DOCK8: variants seen among roughly 807,000 people sequenced by gnomAD.
The protein encoded by DOCK8 is dedicator of cytokinesis 8.
DOCK8 carries 141 observed loss-of-function variants against 245.6 expected under a neutral mutation model. The ratio of observed to expected loss-of-function variants is 0.57; its 90% CI spans 0.50 to 0.66. The LOEUF is 0.66. DOCK8 is among the 30% of genes least tolerant of loss of function. The pLI, the probability that DOCK8 is intolerant of heterozygous loss-of-function variation, is 0.00. For synonymous variants in DOCK8, 1,168 were observed against 970.2 expected (o/e 1.20, Z -3.79); for missense variants, 2,965 against 2,603.4 (o/e 1.14, Z -3.02).
At chr9:293,946 G>A (rs1586621302) in intron 4 of DOCK8, among the ~76,000 whole-genome samples, 1 of 152,184 alleles carries the variant, frequency 6.6e-6, no homozygotes, top group Non-Finnish European at 1.5e-5. Flanking sequence ...ACTTACCAGT[G>A]TCCTACCCTT....
At chr9:287,201 T>C (rs1045222323) in intron 3 of DOCK8, among the ~76,000 whole-genome samples, 1 of 152,000 alleles carries the variant, frequency 6.6e-6, no homozygotes, top group African/African-American at 2.4e-5. Context: ...GCTAAAACAG[T>C]GGGGAGAGCT....
At chr9:248,803 A>G (rs911098851) in intron 1 of DOCK8, among the ~76,000 whole-genome samples, 4 of 152,206 alleles carry the variant, frequency 2.6e-5, no homozygotes, top group African/African-American at 9.7e-5. Context: ...TTGCTGAGAT[A>G]GTGCTGTTAC....
At chr9:445,104 A>G (rs1360193768) in intron 43 of DOCK8, among the ~76,000 whole-genome samples, 5 of 152,234 alleles carry the variant, frequency 3.3e-5, no homozygotes, top group Non-Finnish European at 7.3e-5. Context: ...CCTCGGCTTG[A>G]AAGCAGTGGC....
chr9:443,558 C>T (rs2057158149), intron 43 of DOCK8, 42 bp downstream of exon 43: 1 of 1,490,366 alleles, frequency 6.7e-7, no homozygotes, highest in African/African-American at 1.4e-5. Context: ...AGCTCTAAAT[C>T]CCTTCGTTCT....
chr9:370,327 T>C lies in DOCK8; in HGVS notation c.1868+27T>C, dbSNP rs371557611. ...TAAGTCTATTTCAGCATTCTAAATA[T>C]ATGCCAAGATGGTTTCATCATCTCC... On this transcript the variant is annotated intron_variant, in intron 16 of 47. Transcript: ENST00000432829. 10 of 1,598,208 alleles carry C rather than the reference T, an allele frequency of 6.3e-6. No individual in the cohort carries two copies. The African/African-American group carries it at 8.0e-5, about 13-fold the overall frequency.
intron 31 of DOCK8, 114 bp downstream of exon 31, chr9:420,697 C>A: frequency 7.1e-7 from 1 of 1,403,090 alleles, no homozygotes. Flanking sequence ...TTTCTCATTT[C>A]TGTATTCAAA....
At chr9:242,961 A>G (rs146582857) in intron 1 of DOCK8, among the ~76,000 whole-genome samples, 1 of 152,308 alleles carries the variant, frequency 6.6e-6, no homozygotes, top group African/African-American at 2.4e-5. Context: ...GTATCTCTTC[A>G]TCGGAACTTG....
At chr9:218,908 G>A (rs1439676199) in intron 1 of DOCK8, among the ~76,000 whole-genome samples, 1 of 152,094 alleles carries the variant, frequency 6.6e-6, no homozygotes, top group African/African-American at 2.4e-5. Context: ...TATGAGATAG[G>A]AGCAATGACT....
At chr9:268,932 T>C (rs562402686) in intron 1 of DOCK8, among the ~76,000 whole-genome samples, 85 of 152,368 alleles carry the variant, frequency 5.6e-4, no homozygotes, top group South Asian at 4.3e-3. Flanking sequence ...GTCCAACTTA[T>C]AATTAAAATC....
At position 406,856 on chromosome 9, in the gene DOCK8, T is replaced by C. The variant is rs1038099532; in HGVS notation, c.3391-74T>C. 9 of 1,600,584 alleles carry C rather than the reference T, an allele frequency of 5.6e-6. No individual in the cohort carries two copies. In the African/African-American group the frequency reaches 1.2e-4, roughly 21 times the overall value. ...CACGAAGCCTGGCTGGGGCGAGGAC[T>C]CAGTAAACACTGGCCATCGCTATTT... On this transcript the variant is annotated intron_variant, in intron 27 of 47. Coordinates refer to ENST00000432829, the MANE Select transcript of DOCK8 (RefSeq NM_203447.4).
At chr9:462,168 T>C (rs2057825463) in intron 46 of DOCK8, among the ~76,000 whole-genome samples, 4 of 152,216 alleles carry the variant, frequency 2.6e-5, no homozygotes, top group Non-Finnish European at 4.4e-5. Flanking sequence ...AGCTCATCTT[T>C]GGCGAGAGTG....
chr9:393,288 G>C (rs186903588), intron 24 of DOCK8, among the ~76,000 whole-genome samples: 136 of 152,204 alleles, frequency 8.9e-4, no homozygotes, highest in African/African-American at 3.0e-3. Flanking sequence ...TGATGTCTCT[G>C]TTCTTCACAG....
chr9:404,900 T>G lies in DOCK8; in HGVS notation c.3235-18T>G, dbSNP rs1484424831. The stretch of plus-strand genomic sequence containing the variant: ...CTTGTAATAAATGTTTCATTCCTCT[T>G]TTCATTTTTCTTCCCAGCTGTCAGC... On this transcript the variant is annotated intron_variant, in intron 26 of 47. Coordinates refer to ENST00000432829, the MANE Select transcript of DOCK8 (RefSeq NM_203447.4). The G allele has an allele frequency of 1.9e-6, 3 of 1,613,772 alleles. No individual in the cohort carries two copies. In the Admixed American group the frequency reaches 5.0e-5, roughly 27 times the overall value.
intron 5 of DOCK8, among the ~76,000 whole-genome samples, chr9:308,658 C>T (rs1032304082): frequency 5.3e-5 from 8 of 151,938 alleles, no homozygotes; most frequent in African/African-American, 9.7e-5. Flanking sequence ...CCAATTAATA[C>T]GTGTTCTTTC....
intron 42 of DOCK8, 102 bp from the exon 43 acceptor site, chr9:443,325 A>G (rs1034245466): frequency 2.2e-5 from 24 of 1,104,468 alleles, no homozygotes; most frequent in Admixed American, 1.4e-4. Flanking sequence ...AGTGAACATC[A>G]TTCTACCTTG....
At chr9:227,012 T>A (rs1336800160) in intron 1 of DOCK8, among the ~76,000 whole-genome samples, 1 of 152,118 alleles carries the variant, frequency 6.6e-6, no homozygotes, top group Non-Finnish European at 1.5e-5. Flanking sequence ...TCAATACATA[T>A]AACAAGGAGA....
At chr9:280,037 G>T (rs565617753) in intron 2 of DOCK8, among the ~76,000 whole-genome samples, 29 of 152,310 alleles carry the variant, frequency 1.9e-4, no homozygotes, top group African/African-American at 7.0e-4. Context: ...AACAGATATG[G>T]TTCTGGGGTT....
In DOCK8 at chr9:434,822, G is replaced by C. The variant is rs977721642; in HGVS notation, c.4926G>C (p.Leu1642=). 3.7e-6 allele frequency: 6 copies of C among 1,614,020 alleles called. No individual in the cohort carries two copies. In the African/African-American group the frequency reaches 4.0e-5, roughly 11 times the overall value. ...ACCAGGCATCTCCTGATCTGCGGCT[G>C]ACCTGGCTCCAGAACATGGCAGAGA... The part of the protein sequence containing the change: ...KSYQASPDLR[L]TWLQNMAEKH... Residue 1642 remains leucine (L), a synonymous_variant, in exon 39 of 48, where the codon CTG becomes CTC. Transcript: ENST00000432829.
intron 41 of DOCK8, 69 bp from the exon 42 acceptor site, chr9:441,806 G>A: frequency 6.3e-7 from 1 of 1,597,006 alleles, no homozygotes; most frequent in Non-Finnish European, 8.6e-7. Flanking sequence ...AGAGACCCCT[G>A]CCCTTTGCAA....
Sources: gnomAD v4.1 joint callset for allele counts (sites outside exome capture counted in the v4.1 genomes callset) on GRCh38, gnomAD v4.1.1 for gene constraint, MANE v1.5 for transcripts, NCBI Gene and HGNC (gene_info 2026-07-23, HGNC 2026-07-21) for gene names.